The following IGSF11 variants were observed in gnomAD, a reference collection of about 807,000 sequenced individuals.
IGSF11 encodes the protein immunoglobulin superfamily member 11.
Under a neutral mutation model 41.0 loss-of-function variants are expected in IGSF11, and 22 were observed. That is an observed-to-expected ratio of 0.54 (90% CI 0.38 to 0.77). The LOEUF (loss-of-function observed/expected upper bound fraction) is 0.77. IGSF11 is among the 30% of genes least tolerant of loss of function. IGSF11 has a pLI of 0.00. For missense variants in IGSF11, 444 were observed against 530.8 expected, an observed-to-expected ratio of 0.84 and a Z score of 1.61; for synonymous variants, 219 against 201.3, an observed-to-expected ratio of 1.09 and a Z score of -0.74.
Position 118,944,457 on chromosome 3 carries a change from T to TACACACAC in IGSF11, c.53-14190_53-14183dup, listed in dbSNP as rs3079206. On this transcript the variant is annotated intron_variant, in intron 1 of 6. Coordinates refer to ENST00000393775, the MANE Select transcript of IGSF11 (RefSeq NM_001015887.3). ...TGTGGTCTATTGCCTTAGCTTGAAA[T>TACACACAC]ACACACACACACACACACACACACA... Among the ~76,000 whole-genome samples the TACACACAC allele has an allele frequency of 9.5e-4, 120 of 125,812 alleles. 1 individual carries two copies. Among genetic ancestry groups the TACACACAC allele is most frequent in the Middle Eastern group, 4.0e-3 (1 of 250 alleles). The allele number at this position is 125,812 out of a possible 152,430, so 82.5% of individuals were successfully genotyped here.
intron 1 of IGSF11, among the ~76,000 whole-genome samples, chr3:119,014,876 G>A (rs1236187345): frequency 1.3e-5 from 2 of 152,082 alleles, no homozygotes; most frequent in African/African-American, 4.8e-5. Context: ...CTTCTGGCTT[G>A]GAATTATCAA....
At chr3:118,921,656 T>C (rs1478855124) in intron 4 of IGSF11, among the ~76,000 whole-genome samples, 1 of 152,150 alleles carries the variant, frequency 6.6e-6, no homozygotes, top group Non-Finnish European at 1.5e-5. Flanking sequence ...TACCCAGTGA[T>C]TCCTGGATTC....
chr3:119,058,379 A>G (rs1465162160), intron 1 of IGSF11, among the ~76,000 whole-genome samples: 4 of 152,382 alleles, frequency 2.6e-5, no homozygotes, highest in Admixed American at 2.6e-4. Context: ...AAAAATGCTC[A>G]TCATCACTGG....
At chr3:119,122,289 G>A (rs1204024202) in intron 1 of IGSF11, among the ~76,000 whole-genome samples, 1 of 152,150 alleles carries the variant, frequency 6.6e-6, no homozygotes, top group Non-Finnish European at 1.5e-5. Flanking sequence ...ACTCAGTGCT[G>A]CCCTCTCACA....
intron 4 of IGSF11, among the ~76,000 whole-genome samples, chr3:118,908,042 T>C (rs557173480): frequency 1.3e-5 from 2 of 152,146 alleles, no homozygotes; most frequent in Non-Finnish European, 2.9e-5. Flanking sequence ...GTTTTTGTTG[T>C]TGTTGTTGGT....
upstream of IGSF11, chr3:119,034,895 C>G (rs1004472213): frequency 1.8e-6 from 2 of 1,088,620 alleles, no homozygotes; most frequent in Non-Finnish European, 2.3e-6. Context: ...AACTCACGCC[C>G]CGCTACTCCA....
chr3:119,055,872 C>T (rs1213979843), intron 1 of IGSF11, among the ~76,000 whole-genome samples: 1 of 152,204 alleles, frequency 6.6e-6, no homozygotes, highest in African/African-American at 2.4e-5. Context: ...TGAATGACTA[C>T]TGGGTACATA....
rs891362760 is a variant in IGSF11 at position 119,143,615 on chromosome 3, G to C, written c.-14+2198C>G. Among the ~76,000 whole-genome samples, 5 of 152,244 alleles carry C rather than the reference G, an allele frequency of 3.3e-5. 1 individual carries two copies. Among genetic ancestry groups the C allele is most frequent in the East Asian group, 3.9e-4 (2 of 5,192 alleles). On this transcript the variant is annotated intron_variant, in intron 1 of 7. Transcript: ENST00000425327. ...GCAAAATGACAGAAGTCCTTCCATAGCAGTAATTACTTTAAATGTAGATGG... is the reference window on the plus strand; with the variant it reads ...GCAAAATGACAGAAGTCCTTCCATACCAGTAATTACTTTAAATGTAGATGG...
At chr3:118,963,945 C>T (rs749931047) in intron 1 of IGSF11, among the ~76,000 whole-genome samples, 37 of 152,068 alleles carry the variant, frequency 2.4e-4, no homozygotes, top group Non-Finnish European at 1.5e-4. Flanking sequence ...AGAAGAGAAG[C>T]CTTTTGTTCT....
intron 1 of IGSF11, among the ~76,000 whole-genome samples, chr3:118,961,883 C>A (rs959685588): frequency 6.6e-5 from 10 of 152,164 alleles, no homozygotes; most frequent in Non-Finnish European, 1.3e-4. Flanking sequence ...TAAGTTTTAG[C>A]AATAGCTACG....
At chr3:118,903,019 C>A in intron 6 of IGSF11, 58 bp from the exon 7 acceptor site, 1 of 1,477,482 alleles carries the variant, frequency 6.8e-7, no homozygotes, top group Non-Finnish European at 9.3e-7. Context: ...TCCTATCCTC[C>A]TACCCTGGAA....
chr3:118,936,053 TAGAGTAAGA>T (rs1943250834), intron 1 of IGSF11, among the ~76,000 whole-genome samples: 1 of 152,118 alleles, frequency 6.6e-6, no homozygotes, highest in African/African-American at 2.4e-5. Flanking sequence ...AAAAGTTTCT[TAGAGTAAGA>T]AGGAGGGAAA....
At chr3:118,945,621 A>T (rs1311285604) in intron 1 of IGSF11, among the ~76,000 whole-genome samples, 2 of 152,198 alleles carry the variant, frequency 1.3e-5, no homozygotes, top group Admixed American at 6.5e-5. Flanking sequence ...GATAGAAGGC[A>T]CTGTATTGTT....
chr3:118,966,076 C>G (rs1945657390), intron 1 of IGSF11, among the ~76,000 whole-genome samples: 2 of 151,652 alleles, frequency 1.3e-5, no homozygotes, highest in African/African-American at 4.8e-5. Flanking sequence ...ATCCAAGAAC[C>G]TAGTGTGATG....
intron 1 of IGSF11, among the ~76,000 whole-genome samples, chr3:119,047,739 A>C (rs1246435194): frequency 6.6e-6 from 1 of 152,098 alleles, no homozygotes. Context: ...TTGACCACAC[A>C]CTTGGAAGTA....
chr3:118,971,656 T>G (rs1029501401), intron 1 of IGSF11, among the ~76,000 whole-genome samples: 3 of 151,804 alleles, frequency 2.0e-5, no homozygotes, highest in African/African-American at 7.2e-5. Context: ...TACAAAAAAT[T>G]AGCCAGGCGT....
chr3:119,090,942 G>A, intron 1 of IGSF11, among the ~76,000 whole-genome samples: 1 of 152,134 alleles, frequency 6.6e-6, no homozygotes, highest in Admixed American at 6.6e-5. Context: ...CCTACAGAAT[G>A]GGAGAAAATA....
intron 1 of IGSF11, among the ~76,000 whole-genome samples, chr3:118,937,847 C>T (rs916561337): frequency 6.6e-6 from 1 of 152,260 alleles, no homozygotes; most frequent in East Asian, 1.9e-4. Context: ...TATGGTACTA[C>T]AGTTTCCCTT....
chr3:118,924,459 T>G (rs771496280), intron 4 of IGSF11, among the ~76,000 whole-genome samples: 7 of 152,124 alleles, frequency 4.6e-5, no homozygotes, highest in Non-Finnish European at 1.0e-4. Flanking sequence ...AGAGATAAAT[T>G]TAGATTAAAA....
Sources: gnomAD v4.1 joint callset for allele counts (sites outside exome capture counted in the v4.1 genomes callset) on GRCh38, gnomAD v4.1.1 for gene constraint, MANE v1.5 for transcripts, NCBI Gene and HGNC (gene_info 2026-07-23, HGNC 2026-07-21) for gene names.